The following CNTFR variants were observed in gnomAD, a reference collection of about 807,000 sequenced individuals.
The protein encoded by CNTFR is ciliary neurotrophic factor receptor, also known as ciliary neurotrophic factor receptor subunit alpha.
In CNTFR, 12 loss-of-function variants were observed where a neutral mutation model predicts 40.4. That is an observed-to-expected ratio of 0.30 (90% CI 0.19 to 0.48). The LOEUF (loss-of-function observed/expected upper bound fraction) is 0.48, where lower values mean the gene tolerates loss of function less well. Among genes scored for constraint, CNTFR ranks in the 20% least tolerant of loss-of-function variants. The pLI, the probability that CNTFR is intolerant of heterozygous loss-of-function variation, is 0.99. For missense variants in CNTFR, 414 were observed against 506.8 expected, an observed-to-expected ratio of 0.82 and a Z score of 1.76; for synonymous variants, 202 against 209.6, an observed-to-expected ratio of 0.96 and a Z score of 0.31.
intron 4 of CNTFR, among the ~76,000 whole-genome samples, chr9:34,564,068 T>C (rs1252387425): frequency 1.3e-5 from 2 of 152,140 alleles, no homozygotes; most frequent in Non-Finnish European, 2.9e-5. Flanking sequence ...CCAGAAATGA[T>C]GTTTCAATGC....
In CNTFR at chr9:34,551,703, C is replaced by A; in HGVS notation, c.*368G>T. 1 of 448,098 alleles carries A rather than the reference C, an allele frequency of 2.2e-6. No homozygotes were observed. Among genetic ancestry groups the A allele is most frequent in the Non-Finnish European group, 4.1e-6 (1 of 242,796 alleles). 27.8% of individuals were successfully genotyped at this position (448,098 alleles called of 1,614,324 possible). A position where few individuals can be genotyped will look rare whatever the true frequency, so the allele number is the denominator to read the frequency against. ...ATAATCTGATGGTGGCAACAGAGAC[C>A]CTGGGATAGACAGGAGGCTGGGGCA... On this transcript the variant is annotated 3_prime_UTR_variant, in exon 10 of 10. Coordinates refer to ENST00000378980, the MANE Select transcript of CNTFR (RefSeq NM_147164.3).
chr9:34,564,922 G>A, intron 3 of CNTFR, 90 bp from the exon 4 acceptor site: 1 of 1,090,070 alleles, frequency 9.2e-7, no homozygotes, highest in Non-Finnish European at 1.4e-6. Flanking sequence ...GAGCCTGTGA[G>A]GATGGATGAG....
Position 34,557,895 on chromosome 9 carries a change from T to C in CNTFR, c.409A>G (p.Ile137Val). 6.4e-7 allele frequency: 1 copy of C among 1,569,948 alleles called. No individual in the cohort carries two copies. The highest frequency in any genetic ancestry group is 8.6e-7 in the Non-Finnish European group (1 of 1,157,102). The change falls in exon 5 of 10, where the codon ATT becomes GTT. Residue 137 changes from isoleucine to valine, a missense_variant. By Grantham distance (29) the Ile-to-Val change is conservative. Around this residue, in one of 3 missense-constraint regions of CNTFR, gnomAD observed 250 missense variants for 269.5 expected, o/e 0.93. Coordinates refer to ENST00000378980, the MANE Select transcript of CNTFR (RefSeq NM_147164.3). The surrounding 1 kb of genome is among the most constrained non-coding windows in gnomAD (Gnocchi z 4.2). ...CSWHLPTPTY[I>V]PNTFNVTVLH... ...ACAGTCACATTGAAGGTGTTGGGAA[T>C]GTAGGTGGGGGTGGGCAGATGCCAG... is the stretch of plus-strand genomic sequence containing the variant.
At chr9:34,567,727 A>G (rs779830399) in intron 3 of CNTFR, among the ~76,000 whole-genome samples, 3 of 152,170 alleles carry the variant, frequency 2.0e-5, no homozygotes, top group Non-Finnish European at 2.9e-5. Context: ...AGGCAAGGTG[A>G]CATAGACAGA....
chr9:34,585,756 G>A (rs996836668), intron 1 of CNTFR, among the ~76,000 whole-genome samples: 1 of 152,152 alleles, frequency 6.6e-6, no homozygotes, highest in Non-Finnish European at 1.5e-5. Context: ...CAAAGCTGAG[G>A]TCTCCCCCAC....
At chr9:34,568,770 T>G in intron 3 of CNTFR, 127 bp downstream of exon 3, 1 of 793,890 alleles carries the variant, frequency 1.3e-6, no homozygotes, top group Non-Finnish European at 2.1e-6. Flanking sequence ...TCCATGTCCC[T>G]CTGGGTGGTC....
At chr9:34,562,987 G>A (rs1826129529) in intron 4 of CNTFR, among the ~76,000 whole-genome samples, 1 of 151,872 alleles carries the variant, frequency 6.6e-6, no homozygotes, top group Non-Finnish European at 1.5e-5. Context: ...TCAATTCTGG[G>A]TCCTCTTCTC....
At chr9:34,572,827 G>C (rs1571402) in intron 2 of CNTFR, among the ~76,000 whole-genome samples, 132,252 of 152,224 alleles carry the variant, frequency 0.87, 58,990 homozygotes, top group Non-Finnish European at 0.97. Flanking sequence ...CCAACAAACG[G>C]GGCAATGATA....
chr9:34,579,314 C>T (rs1587167970), intron 2 of CNTFR, among the ~76,000 whole-genome samples: 1 of 152,176 alleles, frequency 6.6e-6, no homozygotes, highest in South Asian at 2.1e-4. Flanking sequence ...CCTCCTCCCT[C>T]CCTCCGCCTA....
chr9:34,562,284 A>T (rs952569171), intron 4 of CNTFR, among the ~76,000 whole-genome samples: 1 of 151,928 alleles, frequency 6.6e-6, no homozygotes, highest in Admixed American at 6.6e-5. Flanking sequence ...CTTCTGATGG[A>T]CCCCATAGTG....
chr9:34,568,276 G>C (rs929647960), intron 3 of CNTFR: 2 of 152,574 alleles, frequency 1.3e-5, no homozygotes, highest in African/African-American at 2.4e-5. Flanking sequence ...CTTGTCCTGT[G>C]GGCTGTGGGC....
At chr9:34,578,571 CG>C (rs1827115000) in intron 2 of CNTFR, among the ~76,000 whole-genome samples, 2 of 152,196 alleles carry the variant, frequency 1.3e-5, no homozygotes, top group Non-Finnish European at 2.9e-5. Flanking sequence ...ATGTGGGACC[CG>C]GCCCCAGCTC....
intron 7 of CNTFR, among the ~76,000 whole-genome samples, chr9:34,554,644 CCTCCCT>C (rs1406551701): frequency 6.6e-6 from 1 of 152,212 alleles, no homozygotes; most frequent in Non-Finnish European, 1.5e-5. Context: ...CCAGTACTTG[CCTCCCT>C]CTTGTCCATG....
intron 1 of CNTFR, among the ~76,000 whole-genome samples, chr9:34,585,292 G>A (rs910093602): frequency 2.6e-5 from 4 of 152,176 alleles, no homozygotes; most frequent in African/African-American, 9.7e-5. Context: ...CGTGGGGAAA[G>A]TACAGGTAGG....
Position 34,552,183 on chromosome 9 carries a change from T to TGGCGGC in CNTFR, c.1090_1095dup (p.Ala364_Ala365dup), listed in dbSNP as rs1825652613. On this transcript the variant is annotated inframe_insertion, in exon 9 of 10. Transcript: ENST00000378980. The surrounding 1 kb of genome is among the most constrained non-coding windows in gnomAD (Gnocchi z 5.1). The stretch of plus-strand genomic sequence containing the variant: ...TACCAGATCAAGAGACTGCTGGCAG[T>TGGCGGC]GGCGGCAGCGGCAGCCAGGGCCAGA... 3 of 1,595,600 alleles carry TGGCGGC rather than the reference T, an allele frequency of 1.9e-6. No individual in the cohort carries two copies. Among genetic ancestry groups the TGGCGGC allele is most frequent in the African/African-American group, 2.7e-5 (2 of 74,786 alleles).
At position 34,574,121 on chromosome 9, in the gene CNTFR, G is replaced by A. The variant is rs192975416; in HGVS notation, c.1-5140C>T. Among the ~76,000 whole-genome samples the A allele has an allele frequency of 4.9e-3, 748 of 151,936 alleles. 8 individuals carry two copies. The highest frequency in any genetic ancestry group is 0.017 in the African/African-American group (696 of 41,418). ...TGGGGGCGGGGGCAGAGGCCTGAGCGGTCCAGAGGCTTGGGGGGTGGGGGG... is the reference window on the plus strand; with the variant it reads ...TGGGGGCGGGGGCAGAGGCCTGAGCAGTCCAGAGGCTTGGGGGGTGGGGGG... On this transcript the variant is annotated intron_variant, in intron 2 of 9. Transcript: ENST00000378980.
intron 2 of CNTFR, among the ~76,000 whole-genome samples, chr9:34,570,399 C>G (rs1196682395): frequency 6.6e-6 from 1 of 152,258 alleles, no homozygotes; most frequent in African/African-American, 2.4e-5. Flanking sequence ...GGCAGATACA[C>G]TGCCGAAGGA....
At chr9:34,571,231 G>A (rs1398408457) in intron 2 of CNTFR, 1 of 152,362 alleles carries the variant, frequency 6.6e-6, no homozygotes, top group Non-Finnish European at 1.5e-5. Flanking sequence ...GTGTAAGAGA[G>A]AGAAAACGAG....
intron 1 of CNTFR, among the ~76,000 whole-genome samples, chr9:34,584,303 G>A (rs750176460): frequency 1.3e-5 from 2 of 152,136 alleles, no homozygotes; most frequent in Non-Finnish European, 2.9e-5. Context: ...ATAAATCTTT[G>A]CTCCATATAA....
Sources: allele counts gnomAD v4.1 joint callset (sites outside exome capture counted in the v4.1 genomes callset), GRCh38; gene constraint gnomAD v4.1.1; regional missense constraint gnomAD v4.1.1; non-coding constraint Gnocchi (gnomAD v3.1); transcripts MANE v1.5; gene names NCBI Gene and HGNC (gene_info 2026-07-23, HGNC 2026-07-21).